FHIP1A: variants seen among roughly 807,000 people sequenced by gnomAD.
FHIP1A encodes the protein FHF complex subunit HOOK-interacting protein 1A.
FHIP1A carries 61 observed loss-of-function variants against 88.6 expected under a neutral mutation model. The observed-to-expected ratio is 0.69, with a 90% CI of 0.56 to 0.85. FHIP1A has a LOEUF of 0.85. Ranked by LOEUF, FHIP1A falls within the 40% of genes least tolerant of loss-of-function variation. The pLI is 0.00. For synonymous variants in FHIP1A, 478 were observed against 496.0 expected, an observed-to-expected ratio of 0.96 and a Z score of 0.48; for missense variants, 1,154 against 1,273.5, an observed-to-expected ratio of 0.91 and a Z score of 1.43.
chr4:151,558,581 T>C (rs1325814859), intron 3 of FHIP1A, among the ~76,000 whole-genome samples: 1 of 151,896 alleles, frequency 6.6e-6, no homozygotes, highest in East Asian at 1.9e-4. Flanking sequence ...AGTGTTGCAG[T>C]GAATAGTGCT....
intron 1 of FHIP1A, among the ~76,000 whole-genome samples, chr4:151,415,181 TG>T (rs932751723): frequency 4.0e-5 from 6 of 151,868 alleles, no homozygotes; most frequent in African/African-American, 1.5e-4. Context: ...ATAGTTTTTT[TG>T]GTTTTTTTTT....
intron 7 of FHIP1A, among the ~76,000 whole-genome samples, chr4:151,622,409 T>C (rs1473435014): frequency 6.6e-6 from 1 of 152,168 alleles, no homozygotes; most frequent in Non-Finnish European, 1.5e-5. Context: ...TAATCTCTGT[T>C]TGAATTTGAA....
chr4:151,431,259 A>T (rs1169912604), intron 1 of FHIP1A, among the ~76,000 whole-genome samples: 3 of 151,752 alleles, frequency 2.0e-5, no homozygotes, highest in Non-Finnish European at 4.4e-5. Context: ...GCAAGCTCTA[A>T]CCTGAATCAG....
rs1030619152 is a variant in FHIP1A, at chr4:151,566,407, C to T, written c.105+43C>T. 9.8e-6 allele frequency: 11 copies of T among 1,125,964 alleles called. No homozygotes were observed. The African/African-American group carries it at 1.2e-4, about 13-fold the overall frequency. 69.7% of individuals were successfully genotyped at this position (1,125,964 alleles called of 1,614,324 possible). On this transcript the variant is annotated intron_variant, in intron 4 of 13. Coordinates refer to ENST00000435205, the MANE Select transcript of FHIP1A (RefSeq NM_001109977.3). ...CTTTTTTTGCTGGTCTCAGTAACCC[C>T]AGGGGCCTCCATCACACTGAATCAG...
intron 7 of FHIP1A, among the ~76,000 whole-genome samples, chr4:151,623,456 G>A (rs1424635351): frequency 1.4e-5 from 2 of 145,450 alleles, no homozygotes; most frequent in South Asian, 2.2e-4. Flanking sequence ...CTCCACCCCC[G>A]AAAATATGTA....
At chr4:151,456,225 T>C (rs1252182212) in intron 2 of FHIP1A, among the ~76,000 whole-genome samples, 4 of 152,244 alleles carry the variant, frequency 2.6e-5, no homozygotes, top group African/African-American at 9.6e-5. Context: ...CCCGAAAGTC[T>C]ATCCATTGAA....
chr4:151,592,158 G>A (rs1473859411), intron 7 of FHIP1A, among the ~76,000 whole-genome samples: 5 of 150,864 alleles, frequency 3.3e-5, no homozygotes, highest in East Asian at 1.9e-4. Context: ...TTTTTGAGAC[G>A]GAGTCTCACT....
chr4:151,445,224 G>C (rs1052100916), intron 1 of FHIP1A, among the ~76,000 whole-genome samples: 2 of 152,068 alleles, frequency 1.3e-5, no homozygotes, highest in Non-Finnish European at 2.9e-5. Flanking sequence ...TGAACAACCA[G>C]GTGAAGAGAT....
At chr4:151,591,739 T>C (rs1560787375) in intron 7 of FHIP1A, among the ~76,000 whole-genome samples, 1 of 152,176 alleles carries the variant, frequency 6.6e-6, no homozygotes, top group East Asian at 1.9e-4. Flanking sequence ...CTGAGAATGA[T>C]GGTTTCCAGC....
chr4:151,524,756 A>G (rs1332031252), intron 3 of FHIP1A, among the ~76,000 whole-genome samples: 1 of 152,240 alleles, frequency 6.6e-6, no homozygotes, highest in Non-Finnish European at 1.5e-5. Flanking sequence ...GCTAAACATG[A>G]GCAAATTAAC....
intron 3 of FHIP1A, among the ~76,000 whole-genome samples, chr4:151,510,911 A>G (rs1731004915): frequency 6.6e-6 from 1 of 152,212 alleles, no homozygotes; most frequent in South Asian, 2.1e-4. Context: ...CCCATATGTG[A>G]CAGATACCAT....
intron 1 of FHIP1A, among the ~76,000 whole-genome samples, chr4:151,433,191 T>C (rs1030520048): frequency 6.6e-6 from 1 of 151,948 alleles, no homozygotes; most frequent in Non-Finnish European, 1.5e-5. Flanking sequence ...AGGAATATTA[T>C]TCTTACAGCA....
chr4:151,596,150 C>T (rs1191734281), intron 7 of FHIP1A, among the ~76,000 whole-genome samples: 1 of 152,206 alleles, frequency 6.6e-6, no homozygotes, highest in East Asian at 1.9e-4. Flanking sequence ...TATGTTTCTG[C>T]AGTGGCTGGT....
At position 151,586,650 on chromosome 4, in the gene FHIP1A, A is replaced by G; in HGVS notation, c.742A>G (p.Thr248Ala). 1 of 1,544,264 alleles carries G rather than the reference A, an allele frequency of 6.5e-7. No individual in the cohort carries two copies. The highest frequency in any genetic ancestry group is 8.8e-7 in the Non-Finnish European group (1 of 1,141,428). Residue 248 changes from threonine (T) to alanine (A), a missense_variant, in exon 6 of 14, where the codon ACT becomes GCT. Coordinates refer to ENST00000435205, the MANE Select transcript of FHIP1A (RefSeq NM_001109977.3). ...TTATTTCTGAACACAGGTACTTGCA[A>G]CTGGGCTCAGTGGTCTCTACTCTTC... is the stretch of plus-strand genomic sequence containing the variant. The part of the protein sequence containing the change: ...ENTYFCPVLA[T>A]GLSGLYSSLP...
At chr4:151,467,677 C>T (rs767818042) in intron 2 of FHIP1A, among the ~76,000 whole-genome samples, 2 of 152,112 alleles carry the variant, frequency 1.3e-5, no homozygotes, top group Non-Finnish European at 2.9e-5. Context: ...ATGTCCTTTG[C>T]AGGGACATGG....
chr4:151,612,473 C>T lies in FHIP1A; in HGVS notation c.979-17229C>T, dbSNP rs536141394. Among the ~76,000 whole-genome samples, 20 of 152,282 alleles carry T rather than the reference C, an allele frequency of 1.3e-4. No homozygotes were observed. In the East Asian group the frequency reaches 1.9e-3, roughly 15 times the overall value. On this transcript the variant is annotated intron_variant, in intron 7 of 13. Transcript: ENST00000435205. ...TCTGCTCACTGCAACCTCCGCCTTCCGGCTTCATGCAATTCTCCTGCCTCA... is the reference window on the plus strand; with the variant it reads ...TCTGCTCACTGCAACCTCCGCCTTCTGGCTTCATGCAATTCTCCTGCCTCA...
intron 7 of FHIP1A, among the ~76,000 whole-genome samples, chr4:151,599,102 G>A (rs1413423505): frequency 2.0e-5 from 3 of 152,156 alleles, no homozygotes. Flanking sequence ...TTGGACATAT[G>A]GGAAAGGATA....
chr4:151,650,705 G>A, intron 11 of FHIP1A, 113 bp downstream of exon 11: 3 of 1,339,232 alleles, frequency 2.2e-6, no homozygotes, highest in Non-Finnish European at 3.0e-6. Flanking sequence ...TCTAACAGAG[G>A]GCTGCAAATA....
intron 1 of FHIP1A, among the ~76,000 whole-genome samples, chr4:151,425,619 A>G (rs113883427): frequency 1.2e-4 from 19 of 152,228 alleles, no homozygotes; most frequent in African/African-American, 3.6e-4. Context: ...TACAGCTGCT[A>G]TCACACAAAT....
Sources: gnomAD v4.1 joint callset for allele counts (sites outside exome capture counted in the v4.1 genomes callset) on GRCh38, gnomAD v4.1.1 for gene constraint, MANE v1.5 for transcripts, NCBI Gene and HGNC (gene_info 2026-07-23, HGNC 2026-07-21) for gene names.